Variants in PADI4 observed in about 807,000 individuals in gnomAD.
PADI4 encodes protein-arginine deiminase type-4.
A neutral mutation model predicts 75.0 loss-of-function variants in PADI4; 62 were observed. The observed-to-expected ratio is 0.83, with a 90% CI of 0.67 to 1.02. The LOEUF (loss-of-function observed/expected upper bound fraction) is 1.02. Ranked by LOEUF, PADI4 falls within the 50% of genes least tolerant of loss-of-function variation. The pLI, the probability that PADI4 is intolerant of heterozygous loss-of-function variation, is 0.00. For synonymous variants in PADI4, 361 were observed against 348.1 expected (o/e 1.04, Z -0.41); for missense variants, 845 against 850.5 (o/e 0.99, Z 0.08).
chr1:17,310,864 C>T (rs1047397203), intron 1 of PADI4, among the ~76,000 whole-genome samples: 5 of 151,904 alleles, frequency 3.3e-5, no homozygotes, highest in South Asian at 2.1e-4. Flanking sequence ...TTTGGGAGGC[C>T]GAGGCAGGCG....
intron 1 of PADI4, among the ~76,000 whole-genome samples, chr1:17,317,511 C>T (rs560150949): frequency 1.3e-4 from 20 of 151,724 alleles, no homozygotes; most frequent in Admixed American, 8.5e-4. Flanking sequence ...CCTCGTGATC[C>T]GCCCGTCTCG....
rs111602272 is a variant in PADI4, at chr1:17,314,477, C to A, written c.92+6163C>A. ...CAGAGCCACTGGGGCATCTCCTGGC[C>A]GGGAACTGCCCCCTGGGCTGAGCTG... On this transcript the variant is annotated intron_variant, in intron 1 of 15. Coordinates refer to ENST00000375448, the MANE Select transcript of PADI4 (RefSeq NM_012387.3). 3.9e-5 allele frequency among the ~76,000 whole-genome samples: 6 copies of A among 152,300 alleles called. 2 individuals carry two copies. Among genetic ancestry groups the A allele is most frequent in the African/African-American group, 1.4e-4 (6 of 41,570 alleles).
chr1:17,356,491 T>C lies in PADI4; in HGVS notation c.1558+32T>C. The C allele has an allele frequency of 8.0e-7, 1 of 1,257,480 alleles. No homozygotes were observed. Among genetic ancestry groups the C allele is most frequent in the Non-Finnish European group, 1.2e-6 (1 of 864,358 alleles). 77.9% of individuals were successfully genotyped at this position (1,257,480 alleles called of 1,614,324 possible). A position where few individuals can be genotyped will look rare whatever the true frequency, so the allele number is the denominator to read the frequency against. On this transcript the variant is annotated intron_variant, in intron 13 of 15. Coordinates refer to ENST00000375448, the MANE Select transcript of PADI4 (RefSeq NM_012387.3). This position sits in a 1 kb window ranked among gnomAD's most constrained non-coding sequence, Gnocchi z 4.1. The stretch of plus-strand genomic sequence containing the variant: ...CGGCCCTGCCTTGTTCTCCTGTCTG[T>C]GCACCTTCCTGCTTCCCATAGTCCG...
At chr1:17,345,497 C>T (rs1377684267) in intron 8 of PADI4, among the ~76,000 whole-genome samples, 1 of 152,164 alleles carries the variant, frequency 6.6e-6, no homozygotes, top group Non-Finnish European at 1.5e-5. Context: ...TGTCCCCACC[C>T]AAATCTCATC....
At position 17,341,947 on chromosome 1, in the gene PADI4, C is replaced by T. The variant is rs985073877; in HGVS notation, c.657C>T (p.Gly219=). ...DKVRVFQATR[G]KLSSKCSVVL... ...TCTCCCCTGCCTCTCTCCTAGGGGG[C>T]AAACTGTCCTCCAAGTGCAGCGTAG... is the stretch of plus-strand genomic sequence containing the variant. Residue 219 remains glycine (G), a synonymous_variant, in exon 7 of 16, where the codon GGC becomes GGT. Coordinates refer to ENST00000375448, the MANE Select transcript of PADI4 (RefSeq NM_012387.3). 1.9e-6 allele frequency: 3 copies of T among 1,613,244 alleles called. No individual in the cohort carries two copies. Among genetic ancestry groups the T allele is most frequent in the Non-Finnish European group, 2.5e-6 (3 of 1,179,498 alleles).
rs1212246824 is a variant in PADI4 at position 17,342,096 on chromosome 1, T to C, written c.806T>C (p.Ile269Thr). Reference sequence around the variant, plus strand: ...TTCCCGGGGCTCATTACCCTCACCATCTCCCTGCTGGACACGTCCAACCTG... The same window carrying C: ...TTCCCGGGGCTCATTACCCTCACCACCTCCCTGCTGGACACGTCCAACCTG... Reference protein sequence around the residue: ...TDFPGLITLTISLLDTSNLEL... With the variant: ...TDFPGLITLTTSLLDTSNLEL... Residue 269 changes from isoleucine to threonine, a missense_variant, in exon 7 of 16, where the codon ATC becomes ACC. Transcript: ENST00000375448. 7 of 1,613,784 alleles carry C rather than the reference T, an allele frequency of 4.3e-6. No homozygotes were observed. The East Asian group carries it at 1.6e-4, about 36-fold the overall frequency.
chr1:17,335,643 C>G (rs962184177), intron 3 of PADI4, among the ~76,000 whole-genome samples: 1 of 152,214 alleles, frequency 6.6e-6, no homozygotes, highest in African/African-American at 2.4e-5. Context: ...CTCAGCCAAG[C>G]CATTTGGACA....
intron 15 of PADI4, among the ~76,000 whole-genome samples, chr1:17,361,344 G>T (rs2074845035): frequency 6.6e-6 from 1 of 152,262 alleles, no homozygotes; most frequent in Admixed American, 6.5e-5. Flanking sequence ...AATGAAAGTG[G>T]ACGCCCGCGG....
intron 1 of PADI4, among the ~76,000 whole-genome samples, chr1:17,319,093 G>A (rs1160300286): frequency 1.3e-5 from 2 of 152,144 alleles, no homozygotes; most frequent in Non-Finnish European, 2.9e-5. Context: ...ACAGGCGGGA[G>A]CCATCGTGCC....
chr1:17,348,222 C>G, intron 10 of PADI4, 174 bp downstream of exon 10: 1 of 510,456 alleles, frequency 2.0e-6, no homozygotes. Context: ...TTTTTATTAC[C>G]AAGATAAGAT....
intron 10 of PADI4, among the ~76,000 whole-genome samples, chr1:17,354,110 C>T (rs567077785): frequency 1.2e-4 from 18 of 151,572 alleles, no homozygotes; most frequent in Middle Eastern, 6.8e-3. Context: ...ATTAGCTGGG[C>T]GTGGTGGGGC....
At chr1:17,314,005 C>T (rs1204459632) in intron 1 of PADI4, among the ~76,000 whole-genome samples, 1 of 152,196 alleles carries the variant, frequency 6.6e-6, no homozygotes, top group Non-Finnish European at 1.5e-5. Flanking sequence ...GGCCCAGTTC[C>T]CAGCTGGCCC....
intron 1 of PADI4, among the ~76,000 whole-genome samples, chr1:17,311,950 C>A (rs567126999): frequency 6.5e-4 from 99 of 152,138 alleles, no homozygotes; most frequent in African/African-American, 2.2e-3. Context: ...TGGGTTACGG[C>A]GAAGATTGAA....
chr1:17,336,924 C>A (rs1050630103), intron 4 of PADI4, among the ~76,000 whole-genome samples: 3 of 152,164 alleles, frequency 2.0e-5, no homozygotes, highest in African/African-American at 7.2e-5. Flanking sequence ...CGCTCTCCCG[C>A]GAAGGGAGGC....
At chr1:17,353,083 C>T (rs376054288) in intron 10 of PADI4, among the ~76,000 whole-genome samples, 5 of 152,072 alleles carry the variant, frequency 3.3e-5, no homozygotes, top group African/African-American at 9.7e-5. Context: ...GAGACCTGGA[C>T]AAGGAAAGCT....
chr1:17,342,153 C>A (rs777337273), intron 7 of PADI4, 32 bp downstream of exon 7: 99 of 1,602,686 alleles, frequency 6.2e-5, no homozygotes, highest in Admixed American at 1.2e-4. Context: ...GCATCGGGGG[C>A]CTGGGCTTCC....
rs1570052754 is a variant in PADI4, at chr1:17,341,962, G to T, written c.672G>T (p.Lys224Asn). 2 of 1,613,938 alleles carry T rather than the reference G, an allele frequency of 1.2e-6. No homozygotes were observed. The highest frequency in any genetic ancestry group is 1.7e-6 in the Non-Finnish European group (2 of 1,179,878). The change falls in exon 7 of 16, where the codon AAG becomes AAT. Residue 224 changes from lysine to asparagine, a missense_variant. By Grantham distance (94) the Lys-to-Asn change is moderately conservative. Transcript: ENST00000375448. ...FQATRGKLSS[K>N]CSVVLGPKWP... ...TCCTAGGGGGCAAACTGTCCTCCAA[G>T]TGCAGCGTAGTCTTGGGTCCCAAGT... is the stretch of plus-strand genomic sequence containing the variant.
chr1:17,349,721 AG>A (rs2074587198), intron 10 of PADI4, among the ~76,000 whole-genome samples: 1 of 106,072 alleles, frequency 9.4e-6, no homozygotes. Context: ...AAAAAAAGAA[AG>A]AAAAAGAAAA....
intron 15 of PADI4, among the ~76,000 whole-genome samples, chr1:17,361,505 A>G (rs139060636): frequency 9.2e-4 from 140 of 152,334 alleles, no homozygotes; most frequent in African/African-American, 3.2e-3. Flanking sequence ...GGCACTTAGC[A>G]CGCATGGGCT....
Sources: allele counts gnomAD v4.1 joint callset (sites outside exome capture counted in the v4.1 genomes callset), GRCh38; gene constraint gnomAD v4.1.1; non-coding constraint Gnocchi (gnomAD v3.1); transcripts MANE v1.5; gene names NCBI Gene and HGNC (gene_info 2026-07-23, HGNC 2026-07-21).